Variants in SPINK5 observed in about 807,000 individuals in gnomAD.
SPINK5 encodes the protein serine protease inhibitor Kazal-type 5.
SPINK5 carries 125 observed loss-of-function variants against 151.8 expected under a neutral mutation model. The observed-to-expected ratio is 0.82, with a 90% CI of 0.71 to 0.96. The LOEUF is 0.96. SPINK5 is among the 40% of genes least tolerant of loss of function. The probability of loss-of-function intolerance (pLI) is 0.00; values close to 1 mark genes in which losing one functional copy is unlikely to be tolerated. For synonymous variants in SPINK5, 374 were observed against 395.3 expected, an observed-to-expected ratio of 0.95 and a Z score of 0.64; for missense variants, 1,194 against 1,291.9, an observed-to-expected ratio of 0.92 and a Z score of 1.16.
At chr5:148,100,075 A>G (rs896389444) in intron 12 of SPINK5, among the ~76,000 whole-genome samples, 1 of 151,858 alleles carries the variant, frequency 6.6e-6, no homozygotes, top group South Asian at 2.1e-4. Flanking sequence ...TTTTTTGCCC[A>G]GTCAAATCCT....
intron 8 of SPINK5, among the ~76,000 whole-genome samples, chr5:148,093,988 A>T (rs1429653251): frequency 6.6e-6 from 1 of 151,990 alleles, no homozygotes; most frequent in East Asian, 1.9e-4. Context: ...AAAACGTAGA[A>T]AAATGGTAAA....
At chr5:148,082,230 G>C (rs1051115291) in intron 4 of SPINK5, among the ~76,000 whole-genome samples, 1 of 151,128 alleles carries the variant, frequency 6.6e-6, no homozygotes, top group Admixed American at 6.6e-5. Flanking sequence ...GTTAATTCCT[G>C]TTTCTTTATG....
intron 28 of SPINK5, chr5:148,125,486 CTATCAAGTGTTGTTT>C: frequency 6.4e-7 from 1 of 1,573,004 alleles, no homozygotes; most frequent in Non-Finnish European, 8.7e-7. Flanking sequence ...ACAGGAAGGT[CTATCAAGTGTTGTTT>C]TATGTTTCCC....
chr5:148,108,853 C>T lies in SPINK5; in HGVS notation c.1692+16C>T. 6.2e-7 allele frequency: 1 copy of T among 1,611,066 alleles called. No individual in the cohort carries two copies. Among genetic ancestry groups the T allele is most frequent in the Non-Finnish European group, 8.5e-7 (1 of 1,177,972 alleles). ...AGCAGTTCAGGTAGTTGTTTGAGAT[C>T]ATCAGAGCCACATAAATATTCAACG... On this transcript the variant is annotated intron_variant, in intron 18 of 32. Coordinates refer to ENST00000256084, the MANE Select transcript of SPINK5 (RefSeq NM_006846.4).
At chr5:148,095,065 GT>G (rs1354903853) in intron 9 of SPINK5, among the ~76,000 whole-genome samples, 1 of 151,860 alleles carries the variant, frequency 6.6e-6, no homozygotes, top group African/African-American at 2.4e-5. Flanking sequence ...GTTCCTCCCG[GT>G]CTTGGCCAGA....
At chr5:148,087,119 A>G (rs888106846) in intron 5 of SPINK5, among the ~76,000 whole-genome samples, 1 of 151,746 alleles carries the variant, frequency 6.6e-6, no homozygotes. Flanking sequence ...TAAGTGCTTA[A>G]TAATTTGTAA....
rs148241196 is a variant in SPINK5 at position 148,092,717 on chromosome 5, A to AT, written c.666+1495dup. Among the ~76,000 whole-genome samples the AT allele has an allele frequency of 4.1e-3, 625 of 151,980 alleles. 3 individuals carry two copies. Among genetic ancestry groups the AT allele is most frequent in the African/African-American group, 0.014 (593 of 41,502 alleles). ...CTTTTACGAGAATCATTGAGCATTA[A>AT]TTTTTTATACCATGCTATGATTATC... is the stretch of plus-strand genomic sequence containing the variant. On this transcript the variant is annotated intron_variant, in intron 8 of 32. Transcript: ENST00000256084.
chr5:148,082,436 A>T (rs1403595480), intron 4 of SPINK5, among the ~76,000 whole-genome samples: 1 of 151,008 alleles, frequency 6.6e-6, no homozygotes, highest in Non-Finnish European at 1.5e-5. Flanking sequence ...TTAGTAATAG[A>T]TTATCTAATT....
Position 148,095,857 on chromosome 5 carries a change from A to C in SPINK5, c.834A>C (p.Gln278His), listed in dbSNP as rs201354872. The C allele has an allele frequency of 8.5e-5, 137 of 1,612,380 alleles. No homozygotes were observed. Among genetic ancestry groups the C allele is most frequent in the Non-Finnish European group, 1.1e-4 (132 of 1,179,044 alleles). ...CAGAGGAAAACAGTAAAACAGATCA[A>C]AATTTGGGAAAAGCTGAAGAAAAAA... ...RFSEENSKTD[Q>H]NLGKAEEKTK... The change falls in exon 10 of 33, where the codon CAA becomes CAC. Residue 278 changes from glutamine to histidine, a missense_variant. Transcript: ENST00000256084.
intron 18 of SPINK5, among the ~76,000 whole-genome samples, chr5:148,110,144 A>G (rs911362644): frequency 4.6e-5 from 7 of 152,226 alleles, no homozygotes; most frequent in Non-Finnish European, 1.0e-4. Context: ...TCTCACTTAT[A>G]AGATAAGGAC....
At chr5:148,078,167 A>G (rs1280712769) in intron 4 of SPINK5, among the ~76,000 whole-genome samples, 1 of 151,154 alleles carries the variant, frequency 6.6e-6, no homozygotes, top group Non-Finnish European at 1.5e-5. Flanking sequence ...GTGATAAAAT[A>G]GACATTAAGA....
intron 17 of SPINK5, among the ~76,000 whole-genome samples, chr5:148,108,342 A>G (rs1409308957): frequency 6.6e-6 from 1 of 152,214 alleles, no homozygotes; most frequent in Non-Finnish European, 1.5e-5. Context: ...AACATGGTTT[A>G]TTATGATTTT....
chr5:148,070,408 G>T lies in SPINK5; in HGVS notation c.167G>T (p.Gly56Val). 1 of 1,612,662 alleles carries T rather than the reference G, an allele frequency of 6.2e-7. No individual in the cohort carries two copies. Among genetic ancestry groups the T allele is most frequent in the Non-Finnish European group, 8.5e-7 (1 of 1,179,140 alleles). The change falls in exon 3 of 33, where the codon GGA (glycine) becomes GTA (valine). Residue 56 changes from glycine (G) to valine (V), a missense_variant. Transcript: ENST00000256084. ...AAGAAATTTTTTCAAAGTCTTGATG[G>T]AATAATGTTCATCAATAAATGTGCC... ...QDKKFFQSLD[G>V]IMFINKCATC...
At position 148,086,335 on chromosome 5, in the gene SPINK5, A is replaced by T. The variant is rs992538921; in HGVS notation, c.283-70A>T. ...TACATTATTGTGGGCTTAAAATGTT[A>T]ATCTATTTATACATCTAAGGACTAT... On this transcript the variant is annotated intron_variant, in intron 4 of 32. Transcript: ENST00000256084. The T allele has an allele frequency of 1.9e-6, 3 of 1,574,288 alleles. No individual in the cohort carries two copies. In the African/African-American group the frequency reaches 4.1e-5, roughly 21 times the overall value.
At chr5:148,123,991 T>TA (rs1240560754) in intron 27 of SPINK5, 31 bp downstream of exon 27, 15 of 1,612,698 alleles carry the variant, frequency 9.3e-6, no homozygotes, top group Admixed American at 1.7e-5. Flanking sequence ...ATAAATTTGA[T>TA]AGTTGTGCCT....
intron 4 of SPINK5, among the ~76,000 whole-genome samples, chr5:148,075,821 G>A (rs1480251590): frequency 6.6e-6 from 1 of 151,682 alleles, no homozygotes; most frequent in Admixed American, 6.6e-5. Flanking sequence ...GTTCTATACA[G>A]GGTACAAAGG....
rs1561708913 is a variant in SPINK5 at position 148,131,268 on chromosome 5, A to T, written c.2974A>T (p.Met992Leu). 9 of 1,613,802 alleles carry T rather than the reference A, an allele frequency of 5.6e-6. No individual in the cohort carries two copies. The highest frequency in any genetic ancestry group is 5.9e-6 in the Non-Finnish European group (7 of 1,179,734). The part of the protein sequence containing the change: ...PDSFSSLDSE[M>L]CKDYRVLPRI... ...TTTTTTGCTTCTTCAGGATTCTGAG[A>T]TGTGCAAAGACTACCGAGTATTGCC... The change falls in exon 31 of 33, where the codon ATG (methionine) becomes TTG (leucine). Residue 992 changes from methionine to leucine, a missense_variant. Transcript: ENST00000256084.
intron 4 of SPINK5, among the ~76,000 whole-genome samples, chr5:148,083,446 C>T (rs1753074053): frequency 6.6e-6 from 1 of 151,282 alleles, no homozygotes. Flanking sequence ...TTGGTTCTTT[C>T]ATTTTTAAAA....
intron 21 of SPINK5, 63 bp downstream of exon 21, chr5:148,114,552 AAAT>A (rs1377139014): frequency 6.2e-7 from 1 of 1,604,828 alleles, no homozygotes; most frequent in African/African-American, 1.3e-5. Flanking sequence ...TGAGCCAGGC[AAAT>A]AATATGTATT....
Sources: gnomAD v4.1 joint callset for allele counts (sites outside exome capture counted in the v4.1 genomes callset) on GRCh38, gnomAD v4.1.1 for gene constraint, MANE v1.5 for transcripts, NCBI Gene and HGNC (gene_info 2026-07-23, HGNC 2026-07-21) for gene names.